FOCAD: variants seen among roughly 807,000 people sequenced by gnomAD.
The protein encoded by FOCAD is focadhesin, also known as KIAA1797.
A neutral mutation model predicts 225.6 loss-of-function variants in FOCAD; 198 were observed. The ratio of observed to expected loss-of-function variants is 0.88; its 90% CI spans 0.78 to 0.99. The LOEUF is 0.99. Ranked by LOEUF, FOCAD falls within the 50% of genes least tolerant of loss-of-function variation. The pLI is 0.00. For synonymous variants in FOCAD, 897 were observed against 755.0 expected (o/e 1.19, Z -3.08); for missense variants, 2,713 against 2,123.6 (o/e 1.28, Z -5.46).
rs62560509 is a variant in FOCAD at position 20,865,555 on chromosome 9, G to C, written c.2056-371G>C. Among the ~76,000 whole-genome samples the C allele has an allele frequency of 9.0e-3, 1,367 of 152,202 alleles. 17 individuals are homozygous for C. The highest frequency in any genetic ancestry group is 0.039 in the South Asian group (188 of 4,834). On this transcript the variant is annotated intron_variant, in intron 16 of 43. Transcript: ENST00000338382. ...AACCTCGAGTGAGTTAGTCATGCTA[G>C]ATGTGGAGGTGTACCATGTGCCGTA...
intron 28 of FOCAD, among the ~76,000 whole-genome samples, chr9:20,937,599 C>A (rs1161105152): frequency 8.5e-5 from 13 of 152,194 alleles, no homozygotes; most frequent in Middle Eastern, 3.4e-3. Flanking sequence ...TAAAGACTTA[C>A]ATGTTAGACC....
At chr9:20,744,653 G>A (rs1042434386) in intron 5 of FOCAD, among the ~76,000 whole-genome samples, 2 of 152,196 alleles carry the variant, frequency 1.3e-5, no homozygotes, top group Admixed American at 1.3e-4. Context: ...TGAAGGGTTG[G>A]TCTTAGGTGT....
intron 31 of FOCAD, 110 bp downstream of exon 31, chr9:20,948,503 T>C: frequency 2.6e-6 from 3 of 1,154,396 alleles, no homozygotes; most frequent in East Asian, 2.5e-5. Context: ...GGTAAAAGAA[T>C]AGGCAATTTT....
chr9:20,979,305 C>T (rs947491658), intron 37 of FOCAD, among the ~76,000 whole-genome samples: 9 of 152,262 alleles, frequency 5.9e-5, no homozygotes, highest in South Asian at 2.1e-4. Flanking sequence ...TCCTCAGTCT[C>T]TTGGCCTTTG....
chr9:20,899,955 T>C (rs2131970986), intron 21 of FOCAD, among the ~76,000 whole-genome samples: 1 of 152,004 alleles, frequency 6.6e-6, no homozygotes, highest in East Asian at 1.9e-4. Context: ...TCTCTGCTCC[T>C]CTGTACAGGG....
intron 7 of FOCAD, among the ~76,000 whole-genome samples, chr9:20,768,566 G>A (rs1817836794): frequency 6.6e-6 from 1 of 151,844 alleles, no homozygotes; most frequent in Non-Finnish European, 1.5e-5. Flanking sequence ...TGGATTCCTA[G>A]GTATTTTATT....
chr9:20,876,697 T>C (rs1172249938), intron 19 of FOCAD, among the ~76,000 whole-genome samples: 2 of 152,164 alleles, frequency 1.3e-5, no homozygotes, highest in Non-Finnish European at 2.9e-5. Flanking sequence ...TAGAGAAGTA[T>C]AAAAAGTGTC....
chr9:20,782,042 C>A, intron 10 of FOCAD, 113 bp downstream of exon 10: 1 of 865,558 alleles, frequency 1.2e-6, no homozygotes, highest in Non-Finnish European at 1.9e-6. Context: ...CTTCACCATT[C>A]AGTCAGGTAG....
At chr9:20,710,897 G>A (rs12376200) in intron 1 of FOCAD, among the ~76,000 whole-genome samples, 17,596 of 152,224 alleles carry the variant, frequency 0.12, 1,311 homozygotes, top group Non-Finnish European at 0.16. Flanking sequence ...ATAGTTTTAT[G>A]TACTGGGAGT....
At chr9:20,958,664 C>A (rs1587720274) in intron 35 of FOCAD, among the ~76,000 whole-genome samples, 5 of 152,230 alleles carry the variant, frequency 3.3e-5, no homozygotes, top group African/African-American at 1.2e-4. Context: ...TATCCTTTAA[C>A]AAGTCTCTCC....
intron 15 of FOCAD, among the ~76,000 whole-genome samples, chr9:20,835,383 A>G (rs1825897393): frequency 1.3e-5 from 2 of 152,102 alleles, no homozygotes; most frequent in African/African-American, 2.4e-5. Flanking sequence ...TCATTTGACT[A>G]TAATTCTTAT....
chr9:20,988,819 A>G (rs1262782031), intron 41 of FOCAD, among the ~76,000 whole-genome samples: 1 of 152,136 alleles, frequency 6.6e-6, no homozygotes, highest in Non-Finnish European at 1.5e-5. Context: ...ATGTGGGAAT[A>G]TAGGGCTCTG....
chr9:20,780,752 T>C (rs2131097578), intron 9 of FOCAD, among the ~76,000 whole-genome samples: 1 of 152,364 alleles, frequency 6.6e-6, no homozygotes, highest in South Asian at 2.1e-4. Context: ...ATTAAAATAC[T>C]GCTATTATAT....
chr9:20,734,844 C>A, intron 4 of FOCAD, among the ~76,000 whole-genome samples: 1 of 151,982 alleles, frequency 6.6e-6, no homozygotes, highest in Middle Eastern at 3.2e-3. Flanking sequence ...GGGGTTTTGC[C>A]CAGTATGGTC....
At chr9:20,834,956 T>A (rs1422120194) in intron 15 of FOCAD, among the ~76,000 whole-genome samples, 3 of 152,128 alleles carry the variant, frequency 2.0e-5, no homozygotes, top group African/African-American at 7.2e-5. Flanking sequence ...ATGTATTGTG[T>A]CAAATAAAAT....
chr9:20,742,389 T>G (rs1290824529), intron 5 of FOCAD, among the ~76,000 whole-genome samples: 1 of 152,140 alleles, frequency 6.6e-6, no homozygotes, highest in African/African-American at 2.4e-5. Context: ...TTCTTTTTCC[T>G]TAGTCTAGTG....
chr9:20,899,733 T>A (rs1832405044), intron 21 of FOCAD, among the ~76,000 whole-genome samples: 1 of 152,008 alleles, frequency 6.6e-6, no homozygotes, highest in African/African-American at 2.4e-5. Flanking sequence ...CTGTTTAATG[T>A]AATCTGTGAT....
At chr9:20,847,153 A>G (rs1827195955) in intron 15 of FOCAD, among the ~76,000 whole-genome samples, 1 of 152,070 alleles carries the variant, frequency 6.6e-6, no homozygotes. Flanking sequence ...AATCATCACC[A>G]CAAATAAGTT....
At chr9:20,922,058 G>T (rs577994448) in intron 24 of FOCAD, among the ~76,000 whole-genome samples, 36 of 152,272 alleles carry the variant, frequency 2.4e-4, no homozygotes, top group African/African-American at 8.2e-4. Flanking sequence ...TCTGTTAAAA[G>T]AAAGAGATAA....
Sources: gnomAD v4.1 joint callset for allele counts (sites outside exome capture counted in the v4.1 genomes callset) on GRCh38, gnomAD v4.1.1 for gene constraint, MANE v1.5 for transcripts, NCBI Gene and HGNC (gene_info 2026-07-23, HGNC 2026-07-21) for gene names.